The following MYOM2 variants were observed in gnomAD, a reference collection of about 807,000 sequenced individuals.
MYOM2 encodes myomesin-2.
A neutral mutation model predicts 187.6 loss-of-function variants in MYOM2; 254 were observed. The observed-to-expected ratio is 1.35, with a 90% CI of 1.22 to 1.50. The LOEUF is 1.50. Among genes scored for constraint, MYOM2 ranks in the 40% most tolerant of loss-of-function variants. The pLI, the probability that MYOM2 is intolerant of heterozygous loss-of-function variation, is 0.00. For missense variants in MYOM2, 2,796 were observed against 1,924.0 expected (o/e 1.45, Z -8.48); for synonymous variants, 981 against 753.8 (o/e 1.30, Z -4.94).
chr8:2,046,389 C>T (rs758698961), intron 1 of MYOM2, among the ~76,000 whole-genome samples: 55 of 152,074 alleles, frequency 3.6e-4, no homozygotes, highest in Non-Finnish European at 6.2e-4. Flanking sequence ...CGGGAGTGGC[C>T]GGGGAGCTGG....
chr8:2,102,814 A>G (rs1796754805), intron 21 of MYOM2, 33 bp downstream of exon 21: 15 of 1,512,228 alleles, frequency 9.9e-6, no homozygotes, highest in Middle Eastern at 3.4e-4. Flanking sequence ...CAAAACAGCA[A>G]TGATTTGTGG....
chr8:2,079,621 G>C lies in MYOM2; in HGVS notation c.1516+8G>C. 1 of 1,613,870 alleles carries C rather than the reference G, an allele frequency of 6.2e-7. No homozygotes were observed. Among genetic ancestry groups the C allele is most frequent in the Admixed American group, 1.7e-5 (1 of 60,026 alleles). On this transcript the variant is annotated splice_region_variant and intron_variant, in intron 13 of 36. Transcript: ENST00000262113. ...ATCAGGATGACCTTGAAGGTAAGTA[G>C]CACCTCATCACCCCAGCTGCTCAGC... is the stretch of plus-strand genomic sequence containing the variant.
intron 32 of MYOM2, among the ~76,000 whole-genome samples, chr8:2,130,062 C>A (rs1027862054): frequency 6.6e-6 from 1 of 152,076 alleles, no homozygotes; most frequent in African/African-American, 2.4e-5. Flanking sequence ...CAGATGTTAA[C>A]GCCCGTCAGT....
intron 12 of MYOM2, 41 bp from the exon 13 acceptor site, chr8:2,079,519 A>T: frequency 6.2e-7 from 1 of 1,608,614 alleles, no homozygotes; most frequent in Non-Finnish European, 8.5e-7. Context: ...TTTGGGGAAA[A>T]CTTCGCATGT....
At chr8:2,101,105 G>A (rs746549088) in intron 20 of MYOM2, 51 bp downstream of exon 20, 1 of 1,589,372 alleles carries the variant, frequency 6.3e-7, no homozygotes, top group Non-Finnish European at 8.6e-7. Flanking sequence ...CAGCACTTTG[G>A]GAGGTAAAGG....
chr8:2,059,623 C>G (rs1463175132), intron 6 of MYOM2, among the ~76,000 whole-genome samples: 1 of 151,792 alleles, frequency 6.6e-6, no homozygotes, highest in African/African-American at 2.4e-5. Flanking sequence ...TATAACAAAT[C>G]AAAAAAGTAT....
At chr8:2,048,133 A>G (rs1057080683) in intron 1 of MYOM2, among the ~76,000 whole-genome samples, 2 of 152,226 alleles carry the variant, frequency 1.3e-5, no homozygotes, top group African/African-American at 2.4e-5. Flanking sequence ...TTAACTCAAC[A>G]TAAGTGTAAG....
chr8:2,106,552 A>G lies in MYOM2; in HGVS notation c.2953A>G (p.Ser985Gly). The change falls in exon 23 of 37, where the codon AGT becomes GGT. Residue 985 changes from serine to glycine, a missense_variant. Transcript: ENST00000262113. ...EDLGTYSVSV[S>G]DTDGVSSSFV... ...TTTAGGGACTTACTCCGTGTCTGTA[A>G]GTGATACAGACGGAGTGTCCTCCAG... 1.2e-6 allele frequency: 2 copies of G among 1,611,958 alleles called. No individual in the cohort carries two copies.
At chr8:2,129,016 G>A (rs948766040) in intron 31 of MYOM2, 111 bp from the exon 32 acceptor site, 2 of 677,602 alleles carry the variant, frequency 3.0e-6, no homozygotes, top group South Asian at 1.8e-5. Flanking sequence ...AGAGACACAA[G>A]TGAGAACAGG....
intron 6 of MYOM2, among the ~76,000 whole-genome samples, chr8:2,067,228 C>T (rs1042418611): frequency 3.9e-5 from 6 of 152,128 alleles, no homozygotes; most frequent in South Asian, 2.1e-4. Flanking sequence ...CTAATGACTT[C>T]GCAGGAATGG....
Position 2,141,185 on chromosome 8 carries a change from T to G in MYOM2, c.4001+8T>G, listed in dbSNP as rs373073621. The G allele has an allele frequency of 5.5e-5, 89 of 1,611,950 alleles. No homozygotes were observed. The highest frequency in any genetic ancestry group is 8.3e-5 in the Admixed American group (5 of 59,928). ...AGAATTCCAGCAATTCAAGTAAGAT[T>G]TGTGTATTTAGTTACTATGATATCC... On this transcript the variant is annotated splice_region_variant and intron_variant, in intron 34 of 36. Transcript: ENST00000262113.
In MYOM2 at chr8:2,088,776, C is replaced by T. The variant is rs568748736; in HGVS notation, c.1645-1232C>T. ...TGGTTTATTTTCCTTTGGGCATATA[C>T]CCAGTAATGGGATTGCTGGATGGAA... is the stretch of plus-strand genomic sequence containing the variant. On this transcript the variant is annotated intron_variant, in intron 14 of 36. Transcript: ENST00000262113. Among the ~76,000 whole-genome samples the T allele has an allele frequency of 1.1e-3, 161 of 152,314 alleles. 1 individual carries two copies. The highest frequency in any genetic ancestry group is 3.8e-3 in the African/African-American group (158 of 41,568).
intron 5 of MYOM2, among the ~76,000 whole-genome samples, chr8:2,058,792 C>A (rs1457441102): frequency 3.3e-5 from 5 of 152,122 alleles, no homozygotes; most frequent in Non-Finnish European, 7.3e-5. Flanking sequence ...TGCGTTAGGT[C>A]CCGCAGAACT....
intron 14 of MYOM2, 54 bp downstream of exon 14, chr8:2,085,444 G>T: frequency 1.3e-6 from 2 of 1,593,292 alleles, no homozygotes; most frequent in Non-Finnish European, 8.6e-7. Context: ...GCCCCCCACT[G>T]TCATGATCTC....
At position 2,073,392 on chromosome 8, in the gene MYOM2, G is replaced by T. The variant is rs963720379; in HGVS notation, c.1012G>T (p.Ala338Ser). Reference protein sequence around the residue: ...WTKMFFGEGQASLSFSHLHKD... With the variant: ...WTKMFFGEGQSSLSFSHLHKD... ...GAAGATGTTCTTTGGAGAAGGCCAG[G>T]CCTCCCTGTCCTTCAGCCACCTGCA... Residue 338 changes from alanine to serine, a missense_variant, in exon 10 of 37, where the codon GCC (alanine) becomes TCC (serine). Coordinates refer to ENST00000262113, the MANE Select transcript of MYOM2 (RefSeq NM_003970.4). The T allele has an allele frequency of 3.1e-6, 5 of 1,613,232 alleles. No individual in the cohort carries two copies. Among genetic ancestry groups the T allele is most frequent in the Non-Finnish European group, 3.4e-6 (4 of 1,179,682 alleles).
At chr8:2,120,174 G>T (rs765648658) in intron 28 of MYOM2, among the ~76,000 whole-genome samples, 15 of 152,152 alleles carry the variant, frequency 9.9e-5, no homozygotes, top group Non-Finnish European at 2.1e-4. Flanking sequence ...CCTAGTGTGA[G>T]TCAGGGGACA....
rs893878 is a variant in MYOM2 at position 2,091,945 on chromosome 8, C to T, written c.1829-401C>T. On this transcript the variant is annotated intron_variant, in intron 15 of 36. Coordinates refer to ENST00000262113, the MANE Select transcript of MYOM2 (RefSeq NM_003970.4). ...TCATGATCGAATTTTGAGTGCCCCT[C>T]GGAGATTTCAACAGATCTGATAAAA... Among the ~76,000 whole-genome samples the T allele has an allele frequency of 6.6e-5, 10 of 152,152 alleles. 1 individual carries two copies. Among genetic ancestry groups the T allele is most frequent in the African/African-American group, 2.2e-4 (9 of 41,424 alleles).
At chr8:2,142,245 A>G (rs968547896) in intron 34 of MYOM2, 130 bp from the exon 35 acceptor site, 11 of 930,262 alleles carry the variant, frequency 1.2e-5, no homozygotes, top group Middle Eastern at 4.3e-4. Flanking sequence ...ATGTTCTTCT[A>G]AGAGAATGCA....
chr8:2,082,395 A>C (rs1563440861), intron 13 of MYOM2, among the ~76,000 whole-genome samples: 2 of 151,626 alleles, frequency 1.3e-5, no homozygotes, highest in Non-Finnish European at 2.9e-5. Context: ...TCTTCAGCTG[A>C]TTTTTTTTTC....
Sources: allele counts gnomAD v4.1 joint callset (sites outside exome capture counted in the v4.1 genomes callset), GRCh38; gene constraint gnomAD v4.1.1; transcripts MANE v1.5; gene names NCBI Gene and HGNC (gene_info 2026-07-23, HGNC 2026-07-21).